Variants in CCR6 observed in about 807,000 individuals in gnomAD.
CCR6 encodes the protein C-C motif chemokine receptor 6, also known as C-C chemokine receptor type 6.
Under a neutral mutation model 3.0 loss-of-function variants are expected in CCR6, and 2 were observed. The ratio of observed to expected loss-of-function variants is 0.66; its 90% confidence interval spans 0.27 to 2.07. CCR6 has a LOEUF of 2.07. Ranked by LOEUF, CCR6 falls within the 30% of genes most tolerant of loss-of-function variation. The probability of loss-of-function intolerance (pLI) is 0.14; values close to 1 mark genes in which losing one functional copy is unlikely to be tolerated. For missense variants in CCR6, 322 were observed against 462.8 expected, an observed-to-expected ratio of 0.70 and a Z score of 2.79; for synonymous variants, 193 against 184.3, an observed-to-expected ratio of 1.05 and a Z score of -0.38.
chr6:167,119,788 A>G (rs1781559418), upstream of CCR6, among the ~76,000 whole-genome samples: 1 of 152,236 alleles, frequency 6.6e-6, no homozygotes, highest in South Asian at 2.1e-4. Flanking sequence ...AAAAAGATAT[A>G]GATCCAAACC....
At position 167,136,021 on chromosome 6, in the gene CCR6, C is replaced by G; in HGVS notation, c.-97-17C>G. ...CCTGTGTTAACTGTAGTGCATTTTGCCTTCTTTCCTTCTTAGAGTCACCTC... is the reference window on the plus strand; with the variant it reads ...CCTGTGTTAACTGTAGTGCATTTTGGCTTCTTTCCTTCTTAGAGTCACCTC... On this transcript the variant is annotated splice_polypyrimidine_tract_variant and intron_variant, in intron 1 of 2. Coordinates refer to ENST00000341935, the MANE Select transcript of CCR6 (RefSeq NM_031409.4). The surrounding 1 kb of genome is among the most constrained non-coding windows in gnomAD (Gnocchi z 4.6). The G allele has an allele frequency of 8.5e-7, 1 of 1,172,532 alleles. No homozygotes were observed. Among genetic ancestry groups the G allele is most frequent in the Non-Finnish European group, 1.2e-6 (1 of 815,418 alleles). 72.6% of individuals were successfully genotyped at this position (1,172,532 alleles called of 1,614,324 possible).
rs1480124645 is a variant in CCR6, at chr6:167,135,908, G to T, written c.-97-130G>T. 1.7e-5 allele frequency: 9 copies of T among 526,794 alleles called. No individual in the cohort carries two copies. In the East Asian group the frequency reaches 2.8e-4, roughly 16 times the overall value. The allele number at this position is 526,794 out of a possible 1,614,324, so 32.6% of individuals were successfully genotyped here. A position where few individuals can be genotyped will look rare whatever the true frequency, so the allele number is the denominator to read the frequency against. ...GAGGTTGCTGATGCCTATTCTCAAT[G>T]AATATTTGTATGTAAAATAGTGTGC... On this transcript the variant is annotated intron_variant, in intron 1 of 2. Coordinates refer to ENST00000341935, the MANE Select transcript of CCR6 (RefSeq NM_031409.4).
At chr6:167,122,462 A>T (rs1161405172), upstream of CCR6, among the ~76,000 whole-genome samples, 1 of 152,156 alleles carries the variant, frequency 6.6e-6, no homozygotes, top group Non-Finnish European at 1.5e-5. This position sits in a 1 kb window ranked among gnomAD's most constrained non-coding sequence, Gnocchi z 4.2. Flanking sequence ...CCACATGAAG[A>T]TTAGGTGCCC....
Position 167,136,539 on chromosome 6 carries a change from A to G in CCR6, c.309A>G (p.Ala103=). 1 of 1,595,224 alleles carries G rather than the reference A, an allele frequency of 6.3e-7. No homozygotes were observed. The highest frequency in any genetic ancestry group is 8.6e-7 in the Non-Finnish European group (1 of 1,169,492). ...ILFVLTLPFW[A]VSHATGAWVF... ...TTGTTCTTACTCTCCCATTCTGGGC[A>G]GTGAGTCATGCCACCGGTGCGTGGG... The change falls in exon 3 of 3, where the codon GCA becomes GCG. Residue 103 remains alanine (A), a synonymous_variant. Transcript: ENST00000341935. This position sits in a 1 kb window ranked among gnomAD's most constrained non-coding sequence, Gnocchi z 4.6.
At chr6:167,131,230 T>A (rs1388040455) in intron 1 of CCR6, 1 of 152,256 alleles carries the variant, frequency 6.6e-6, no homozygotes, top group Non-Finnish European at 1.5e-5. Context: ...ACGCGTTGAG[T>A]CATCGCTGCA....
chr6:167,115,578 T>C (rs745717327), intron 1 of CCR6: 1 of 152,218 alleles, frequency 6.6e-6, no homozygotes, highest in Non-Finnish European at 1.5e-5. Flanking sequence ...TCCACTGTTC[T>C]GGAAACTAAC....
At chr6:167,114,816 T>C (rs1172956507) in intron 1 of CCR6, 2 of 152,386 alleles carry the variant, frequency 1.3e-5, no homozygotes, top group East Asian at 3.9e-4. Context: ...GGAGGCCCCG[T>C]CCTTAGCTCT....
chr6:167,121,944 A>G (rs1781594642), upstream of CCR6, among the ~76,000 whole-genome samples: 1 of 152,142 alleles, frequency 6.6e-6, no homozygotes, highest in Admixed American at 6.5e-5. Context: ...GGGACCCTGG[A>G]CAAACCCGGG....
Position 167,137,467 on chromosome 6 carries a change from C to G in CCR6, c.*112C>G. The G allele has an allele frequency of 9.7e-7, 1 of 1,030,720 alleles. No individual in the cohort carries two copies. Among genetic ancestry groups the G allele is most frequent in the Non-Finnish European group, 1.4e-6 (1 of 721,776 alleles). 63.8% of individuals were successfully genotyped at this position (1,030,720 alleles called of 1,614,324 possible). A position where few individuals can be genotyped will look rare whatever the true frequency, so the allele number is the denominator to read the frequency against. On this transcript the variant is annotated 3_prime_UTR_variant, in exon 3 of 3. Transcript: ENST00000341935. This position sits in a 1 kb window ranked among gnomAD's most constrained non-coding sequence, Gnocchi z 4.6. ...AATGTGGGAATTAAGCAAAATCAAGCAAGCCTCTCTCCTGCGGGACTTAAC... is the reference window on the plus strand; with the variant it reads ...AATGTGGGAATTAAGCAAAATCAAGGAAGCCTCTCTCCTGCGGGACTTAAC...
chr6:167,121,255 G>A (rs117473178), upstream of CCR6, among the ~76,000 whole-genome samples: 28 of 152,390 alleles, frequency 1.8e-4, no homozygotes, highest in East Asian at 3.7e-3. Flanking sequence ...CAGCATCTGC[G>A]TGGCCACACA....
At chr6:167,122,650 C>G (rs1486476539), upstream of CCR6, 3 of 152,366 alleles carry the variant, frequency 2.0e-5, no homozygotes, top group Non-Finnish European at 4.4e-5. This position sits in a 1 kb window ranked among gnomAD's most constrained non-coding sequence, Gnocchi z 4.2. Context: ...AAGAGGAAAC[C>G]GAGGCTTGCT....
chr6:167,127,448 C>G (rs1296990322), intron 1 of CCR6, among the ~76,000 whole-genome samples: 1 of 152,168 alleles, frequency 6.6e-6, no homozygotes, highest in Non-Finnish European at 1.5e-5. Flanking sequence ...AATCATTTCC[C>G]ACCCCTGTCT....
Position 167,136,803 on chromosome 6 carries a change from C to A in CCR6, c.573C>A (p.Thr191=), listed in dbSNP as rs776800039. The A allele has an allele frequency of 1.2e-6, 2 of 1,614,018 alleles. No individual in the cohort carries two copies. Among genetic ancestry groups the A allele is most frequent in the African/African-American group, 2.7e-5 (2 of 75,030 alleles). Residue 191 remains threonine, a synonymous_variant, in exon 3 of 3, where the codon ACC becomes ACA. Coordinates refer to ENST00000341935, the MANE Select transcript of CCR6 (RefSeq NM_031409.4). This position sits in a 1 kb window ranked among gnomAD's most constrained non-coding sequence, Gnocchi z 4.6. ...STFVFNQKYN[T]QGSDVCEPKY... Reference sequence around the variant, plus strand: ...TTGTCTTCAACCAAAAATACAACACCCAAGGCAGCGATGTCTGTGAACCCA... The same window carrying A: ...TTGTCTTCAACCAAAAATACAACACACAAGGCAGCGATGTCTGTGAACCCA...
At position 167,137,015 on chromosome 6, in the gene CCR6, T is replaced by C. The variant is rs1274189170; in HGVS notation, c.785T>C (p.Val262Ala). 6 of 1,614,106 alleles carry C rather than the reference T, an allele frequency of 3.7e-6. No homozygotes were observed. Among genetic ancestry groups the C allele is most frequent in the Admixed American group, 1.7e-5 (1 of 60,016 alleles). Reference protein sequence around the residue: ...AIRVIIAVVLVFLACQIPHNM... With the variant: ...AIRVIIAVVLAFLACQIPHNM... ...CGTGTAATCATAGCTGTGGTGCTTG[T>C]GTTTCTGGCTTGTCAGATTCCTCAT... The change falls in exon 3 of 3, where the codon GTG becomes GCG. Residue 262 changes from valine to alanine, a missense_variant. Physicochemically the swap from Val to Ala is moderately conservative, Grantham distance 64. Coordinates refer to ENST00000341935, the MANE Select transcript of CCR6 (RefSeq NM_031409.4). The surrounding 1 kb of genome is among the most constrained non-coding windows in gnomAD (Gnocchi z 4.6).
chr6:167,136,350 G>C lies in CCR6; in HGVS notation c.120G>C (p.Glu40Asp), dbSNP rs774495378. ...DSEMLLCSLQEVRQFSRLFVP... is the reference protein window; with the variant it reads ...DSEMLLCSLQDVRQFSRLFVP... Reference sequence around the variant, plus strand: ...AGATGTTACTGTGCTCCTTGCAGGAGGTCAGGCAGTTCTCCAGGCTATTTG... The same window carrying C: ...AGATGTTACTGTGCTCCTTGCAGGACGTCAGGCAGTTCTCCAGGCTATTTG... The change falls in exon 3 of 3, where the codon GAG (glutamate) becomes GAC (aspartate). Residue 40 changes from glutamate to aspartate, a missense_variant. Transcript: ENST00000341935. This position sits in a 1 kb window ranked among gnomAD's most constrained non-coding sequence, Gnocchi z 4.6. 16 of 1,614,170 alleles carry C rather than the reference G, an allele frequency of 9.9e-6. No homozygotes were observed. The South Asian group carries it at 1.8e-4, about 18-fold the overall frequency.
chr6:167,137,195 A>T lies in CCR6; in HGVS notation c.965A>T (p.Lys322Met). Residue 322 changes from lysine to methionine, a missense_variant, in exon 3 of 3, where the codon AAG becomes ATG. Physicochemically the swap from Lys to Met is moderately conservative, Grantham distance 95 (BLOSUM62 -1). Coordinates refer to ENST00000341935, the MANE Select transcript of CCR6 (RefSeq NM_031409.4). This position sits in a 1 kb window ranked among gnomAD's most constrained non-coding sequence, Gnocchi z 4.6. ...GTGCTCTACGCTTTTATTGGGCAGAAGTTCAGAAACTACTTTCTGAAGATC... is the reference window on the plus strand; with the variant it reads ...GTGCTCTACGCTTTTATTGGGCAGATGTTCAGAAACTACTTTCTGAAGATC... ...NPVLYAFIGQKFRNYFLKILK... is the reference protein window; with the variant it reads ...NPVLYAFIGQMFRNYFLKILK... The T allele has an allele frequency of 6.2e-7, 1 of 1,614,214 alleles. No homozygotes were observed. Among genetic ancestry groups the T allele is most frequent in the Non-Finnish European group, 8.5e-7 (1 of 1,180,038 alleles).
upstream of CCR6, among the ~76,000 whole-genome samples, chr6:167,121,817 G>A (rs987042924): frequency 2.0e-5 from 3 of 152,198 alleles, no homozygotes; most frequent in Non-Finnish European, 4.4e-5. Flanking sequence ...AAGGCAGGGA[G>A]AGGAATGATG....
rs1173696801 is a variant in CCR6 at position 167,137,083 on chromosome 6, A to T, written c.853A>T (p.Asn285Tyr). ...LVTAANLGKM[N>Y]RSCQSEKLIG... ...GACGGCTGCAAATTTGGGTAAAATG[A>T]ACCGATCCTGCCAGAGCGAAAAGCT... The change falls in exon 3 of 3, where the codon AAC becomes TAC. Residue 285 changes from asparagine (N) to tyrosine (Y), a missense_variant. Transcript: ENST00000341935. The surrounding 1 kb of genome is among the most constrained non-coding windows in gnomAD (Gnocchi z 4.6). 2 of 1,614,074 alleles carry T rather than the reference A, an allele frequency of 1.2e-6. No individual in the cohort carries two copies. The highest frequency in any genetic ancestry group is 1.7e-6 in the Non-Finnish European group (2 of 1,180,048).
At chr6:167,125,651 C>T (rs41502048) in intron 1 of CCR6, among the ~76,000 whole-genome samples, 3 of 152,218 alleles carry the variant, frequency 2.0e-5, no homozygotes, top group African/African-American at 4.8e-5. Context: ...GAACTGAACA[C>T]GGCCTTAAAT....
Sources: allele counts gnomAD v4.1 joint callset (sites outside exome capture counted in the v4.1 genomes callset), GRCh38; gene constraint gnomAD v4.1.1; non-coding constraint Gnocchi (gnomAD v3.1); transcripts MANE v1.5; gene names NCBI Gene and HGNC (gene_info 2026-07-23, HGNC 2026-07-21).